The following NCAM2 variants were observed in gnomAD, a reference collection of about 807,000 sequenced individuals.
NCAM2 encodes N-CAM-2.
In NCAM2, 30 loss-of-function variants were observed where a neutral mutation model predicts 98.1. The ratio of observed to expected loss-of-function variants is 0.31; its 90% CI spans 0.23 to 0.41. The LOEUF (loss-of-function observed/expected upper bound fraction) is 0.41, where lower values mean the gene tolerates loss of function less well. Ranked by LOEUF, NCAM2 falls within the 10% of genes least tolerant of loss-of-function variation. NCAM2 has a pLI of 1.00. For synonymous variants in NCAM2, 368 were observed against 342.4 expected, an observed-to-expected ratio of 1.07 and a Z score of -0.83; for missense variants, 867 against 1,005.8, an observed-to-expected ratio of 0.86 and a Z score of 1.87.
chr21:21,479,232 A>G (rs1985542813), intron 15 of NCAM2, among the ~76,000 whole-genome samples: 1 of 152,142 alleles, frequency 6.6e-6, no homozygotes, highest in Non-Finnish European at 1.5e-5. Flanking sequence ...TAAAATCAAA[A>G]AAATAGATTT....
intron 1 of NCAM2, among the ~76,000 whole-genome samples, chr21:21,259,727 G>A (rs2071818883): frequency 6.6e-6 from 1 of 152,022 alleles, no homozygotes; most frequent in African/African-American, 2.4e-5. Context: ...ACAATGGATT[G>A]CTACAAGAAG....
chr21:21,259,185 C>G (rs2071794473), intron 1 of NCAM2, among the ~76,000 whole-genome samples: 1 of 152,082 alleles, frequency 6.6e-6, no homozygotes, highest in Non-Finnish European at 1.5e-5. Flanking sequence ...CTTCCCCTCC[C>G]AACACAGTGT....
At chr21:21,137,405 A>G (rs900627893) in intron 1 of NCAM2, among the ~76,000 whole-genome samples, 2 of 152,222 alleles carry the variant, frequency 1.3e-5, no homozygotes, top group African/African-American at 4.8e-5. Context: ...ACATGTTCCT[A>G]TAAAGTATTC....
chr21:21,085,750 G>GAAAGTTAAT (rs1427224734), intron 1 of NCAM2, among the ~76,000 whole-genome samples: 8 of 152,046 alleles, frequency 5.3e-5, no homozygotes, highest in Non-Finnish European at 8.8e-5. Context: ...CTATTTTCTT[G>GAAAGTTAAT]AAAGTTAATA....
At chr21:21,241,421 G>T (rs527302035) in intron 1 of NCAM2, among the ~76,000 whole-genome samples, 1 of 152,046 alleles carries the variant, frequency 6.6e-6, no homozygotes, top group Non-Finnish European at 1.5e-5. Flanking sequence ...GAATTATATA[G>T]CATATAAATT....
At chr21:21,446,655 T>C (rs1040878545) in intron 12 of NCAM2, among the ~76,000 whole-genome samples, 3 of 152,032 alleles carry the variant, frequency 2.0e-5, no homozygotes, top group African/African-American at 7.2e-5. Flanking sequence ...GAAAACCCCA[T>C]CATCTCAGCC....
chr21:21,017,484 G>T (rs1411350549), intron 1 of NCAM2, among the ~76,000 whole-genome samples: 1 of 150,430 alleles, frequency 6.6e-6, no homozygotes, highest in Non-Finnish European at 1.5e-5. Context: ...TCTATAGAGG[G>T]AGAAGTTGTA....
chr21:21,127,567 A>G (rs1022830140), intron 1 of NCAM2, among the ~76,000 whole-genome samples: 1 of 152,058 alleles, frequency 6.6e-6, no homozygotes, highest in South Asian at 2.1e-4. Context: ...TTATGTAAAT[A>G]TATTAATATT....
intron 1 of NCAM2, among the ~76,000 whole-genome samples, chr21:21,273,072 T>C (rs1239306757): frequency 1.3e-5 from 2 of 151,860 alleles, no homozygotes; most frequent in African/African-American, 4.8e-5. Flanking sequence ...ATATAGAAGC[T>C]GAGTCTCAAG....
At chr21:21,393,987 T>A (rs2076441125) in intron 9 of NCAM2, among the ~76,000 whole-genome samples, 1 of 150,890 alleles carries the variant, frequency 6.6e-6, no homozygotes, top group East Asian at 2.1e-4. Context: ...AAATGTTTTA[T>A]CATGAATGAA....
At chr21:21,113,952 C>G (rs2066502403) in intron 1 of NCAM2, among the ~76,000 whole-genome samples, 1 of 151,990 alleles carries the variant, frequency 6.6e-6, no homozygotes, top group Admixed American at 6.6e-5. Context: ...TTAAGAAGGT[C>G]CAAAAGTTCC....
intron 16 of NCAM2, among the ~76,000 whole-genome samples, chr21:21,510,328 C>T (rs956163416): frequency 2.0e-5 from 3 of 152,096 alleles, no homozygotes; most frequent in African/African-American, 7.2e-5. Flanking sequence ...TCTCTCATTT[C>T]CTTATCCAGT....
intron 8 of NCAM2, among the ~76,000 whole-genome samples, chr21:21,366,723 T>C (rs970224562): frequency 3.9e-5 from 6 of 152,034 alleles, no homozygotes; most frequent in Non-Finnish European, 7.4e-5. Context: ...AATGTAATTT[T>C]ACAAGAAGAC....
At chr21:21,246,364 G>T (rs1391723211) in intron 1 of NCAM2, among the ~76,000 whole-genome samples, 1 of 152,108 alleles carries the variant, frequency 6.6e-6, no homozygotes, top group Non-Finnish European at 1.5e-5. Flanking sequence ...TGTTTTAGGT[G>T]ATTATTTTTG....
intron 1 of NCAM2, among the ~76,000 whole-genome samples, chr21:21,109,123 G>A (rs2066406029): frequency 6.6e-6 from 1 of 152,086 alleles, no homozygotes; most frequent in South Asian, 2.1e-4. Flanking sequence ...TTGTGCAGTG[G>A]TTGGAATATA....
intron 7 of NCAM2, among the ~76,000 whole-genome samples, chr21:21,336,672 C>T (rs1012082895): frequency 2.0e-5 from 3 of 152,014 alleles, no homozygotes; most frequent in East Asian, 3.9e-4. Context: ...GCAGACTGGC[C>T]CTGTAGTCAC....
chr21:21,524,076 C>T (rs1452914572), intron 16 of NCAM2, among the ~76,000 whole-genome samples: 2 of 150,676 alleles, frequency 1.3e-5, no homozygotes, highest in East Asian at 2.0e-4. Context: ...AATAATGACA[C>T]GTGAATTAAA....
chr21:21,104,797 G>GTCAGTAA (rs2066312481), intron 1 of NCAM2, among the ~76,000 whole-genome samples: 1 of 152,028 alleles, frequency 6.6e-6, no homozygotes, highest in Non-Finnish European at 1.5e-5. Flanking sequence ...ATACAATATG[G>GTCAGTAA]CAGAATTGAT....
At chr21:21,138,219 A>C (rs1299842926) in intron 1 of NCAM2, among the ~76,000 whole-genome samples, 4 of 152,120 alleles carry the variant, frequency 2.6e-5, no homozygotes, top group African/African-American at 9.7e-5. Flanking sequence ...GTAAGGCTGA[A>C]GGTGGAAGAA....
Sources: gnomAD v4.1 joint callset for allele counts (sites outside exome capture counted in the v4.1 genomes callset) on GRCh38, gnomAD v4.1.1 for gene constraint, MANE v1.5 for transcripts, NCBI Gene and HGNC (gene_info 2026-07-23, HGNC 2026-07-21) for gene names.